Variants in EPHA3 observed in about 807,000 individuals in gnomAD.
EPHA3 encodes ephrin type-A receptor 3.
EPHA3 carries 42 observed loss-of-function variants against 107.1 expected under a neutral mutation model. That is an observed-to-expected ratio of 0.39 (90% CI 0.31 to 0.51). The LOEUF is 0.51. Ranked by LOEUF, EPHA3 falls within the 20% of genes least tolerant of loss-of-function variation. EPHA3 has a pLI of 0.78. For synonymous variants in EPHA3, 461 were observed against 424.8 expected, an observed-to-expected ratio of 1.09 and a Z score of -1.05; for missense variants, 1,183 against 1,211.2, an observed-to-expected ratio of 0.98 and a Z score of 0.35.
intron 5 of EPHA3, among the ~76,000 whole-genome samples, chr3:89,358,150 T>TA (rs1708007033): frequency 1.3e-5 from 2 of 151,130 alleles, no homozygotes; most frequent in South Asian, 2.1e-4. Context: ...GACTTTTTTT[T>TA]ACTAAAATAT....
intron 2 of EPHA3, among the ~76,000 whole-genome samples, chr3:89,141,026 GA>G (rs1704420884): frequency 6.6e-6 from 1 of 151,490 alleles, no homozygotes; most frequent in Non-Finnish European, 1.5e-5. Flanking sequence ...AAGGCCCAAA[GA>G]ATTTAAATAA....
chr3:89,384,146 T>C (rs1708567136), intron 5 of EPHA3, among the ~76,000 whole-genome samples: 1 of 152,160 alleles, frequency 6.6e-6, no homozygotes, highest in African/African-American at 2.4e-5. Flanking sequence ...AATTTTTTTC[T>C]AAGGTTTCAT....
At chr3:89,298,120 G>A (rs1559637469) in intron 3 of EPHA3, among the ~76,000 whole-genome samples, 2 of 152,130 alleles carry the variant, frequency 1.3e-5, no homozygotes, top group Admixed American at 1.3e-4. Flanking sequence ...GTGGGAACAA[G>A]CATTTTTCCA....
intron 16 of EPHA3, among the ~76,000 whole-genome samples, chr3:89,477,782 A>G (rs1710547239): frequency 6.6e-6 from 1 of 152,088 alleles, no homozygotes; most frequent in Admixed American, 6.6e-5. Flanking sequence ...TATTGAGCCC[A>G]CTAACTGGCA....
chr3:89,479,467 G>T lies in EPHA3; in HGVS notation c.2917G>T (p.Glu973Ter). The change falls in exon 17 of 17, where the codon GAA (glutamate) becomes TAA (stop). Residue 973 changes from glutamate to a stop codon, truncating the protein, a stop_gained. Transcript: ENST00000336596. LOFTEE classifies it high-confidence loss of function. Reference sequence around the variant, plus strand: ...GATCATCAGTAGCATTAAAGCTCTAGAAACGCAATCAAAGAATGGCCCAGT... The same window carrying T: ...GATCATCAGTAGCATTAAAGCTCTATAAACGCAATCAAAGAATGGCCCAGT... ...KKIISSIKAL[E>*]TQSKNGPVPV is the part of the protein sequence containing the mutation. The T allele has an allele frequency of 6.2e-7, 1 of 1,614,166 alleles. No homozygotes were observed. The highest frequency in any genetic ancestry group is 8.5e-7 in the Non-Finnish European group (1 of 1,180,014).
At chr3:89,440,381 A>G (rs1204798994) in intron 13 of EPHA3, among the ~76,000 whole-genome samples, 3 of 152,224 alleles carry the variant, frequency 2.0e-5, no homozygotes, top group Non-Finnish European at 4.4e-5. Flanking sequence ...AATGTGAATT[A>G]TAACCAGCAA....
intron 1 of EPHA3, among the ~76,000 whole-genome samples, chr3:89,112,471 C>T (rs900718102): frequency 6.6e-6 from 1 of 151,922 alleles, no homozygotes; most frequent in Non-Finnish European, 1.5e-5. Context: ...ATTTTTAATA[C>T]TTTTCCACAA....
chr3:89,260,626 C>A (rs986607247), intron 3 of EPHA3, among the ~76,000 whole-genome samples: 1 of 152,118 alleles, frequency 6.6e-6, no homozygotes, highest in Non-Finnish European at 1.5e-5. Context: ...AGTCTGCAGG[C>A]TGCCCTTTGT....
At chr3:89,308,903 A>T (rs1417411384) in intron 3 of EPHA3, among the ~76,000 whole-genome samples, 1 of 152,168 alleles carries the variant, frequency 6.6e-6, no homozygotes, top group Non-Finnish European at 1.5e-5. Flanking sequence ...GAAGATATTC[A>T]GTCTTTTCTT....
rs191542218 is a variant in EPHA3 at position 89,134,096 on chromosome 3, G to C, written c.153+6823G>C. On this transcript the variant is annotated intron_variant, in intron 2 of 16. Transcript: ENST00000336596. ...TCAAGTTTTTTCACCTTTCCAATTT[G>C]CTTCAAATGCCGAACAACCGCAGAA... Among the ~76,000 whole-genome samples the C allele has an allele frequency of 2.0e-5, 3 of 149,122 alleles. No homozygotes were observed. The East Asian group carries it at 6.0e-4, about 30-fold the overall frequency.
chr3:89,444,929 G>T (rs1709852567), intron 13 of EPHA3, among the ~76,000 whole-genome samples: 1 of 152,114 alleles, frequency 6.6e-6, no homozygotes, highest in Admixed American at 6.6e-5. Context: ...CTAATGAAAA[G>T]GCTAAATGTT....
chr3:89,306,367 A>T (rs1257282736), intron 3 of EPHA3, among the ~76,000 whole-genome samples: 1 of 152,158 alleles, frequency 6.6e-6, no homozygotes, highest in African/African-American at 2.4e-5. Flanking sequence ...TCAAGACAAG[A>T]TAATTAACTC....
At chr3:89,197,409 AT>A (rs1705861156) in intron 2 of EPHA3, among the ~76,000 whole-genome samples, 2 of 16,016 alleles carry the variant, frequency 1.2e-4, no homozygotes, top group Non-Finnish European at 2.6e-4. Context: ...AAATAAAAAC[AT>A]AAAAAAAAAC....
Position 89,399,470 on chromosome 3 carries a change from T to C in EPHA3, c.1584T>C (p.Thr528=), listed in dbSNP as rs757757955. 2.7e-5 allele frequency: 44 copies of C among 1,614,182 alleles called. No homozygotes were observed. Among genetic ancestry groups the C allele is most frequent in the Non-Finnish European group, 3.6e-5 (43 of 1,180,034 alleles). ...GTNSRKFEFE[T]SPDSFSISGE... ...ACAGCCGCAAGTTTGAGTTTGAAAC[T>C]AGTCCAGACTGTATGTATTATTTCA... Residue 528 remains threonine (T), a synonymous_variant, in exon 7 of 17, where the codon ACT becomes ACC. Transcript: ENST00000336596.
At chr3:89,288,427 T>C (rs2107324789) in intron 3 of EPHA3, among the ~76,000 whole-genome samples, 1 of 152,216 alleles carries the variant, frequency 6.6e-6, no homozygotes, top group Non-Finnish European at 1.5e-5. Context: ...CTCAAATCTT[T>C]GAGTGGATAC....
intron 15 of EPHA3, among the ~76,000 whole-genome samples, chr3:89,451,166 T>A (rs929628907): frequency 2.0e-5 from 3 of 152,182 alleles, no homozygotes; most frequent in African/African-American, 7.2e-5. Context: ...CAAATGTTAA[T>A]ACTCTGCAGC....
intron 3 of EPHA3, among the ~76,000 whole-genome samples, chr3:89,235,259 C>CTGAT (rs1378420960): frequency 6.6e-6 from 1 of 151,938 alleles, no homozygotes; most frequent in African/African-American, 2.4e-5. Flanking sequence ...CTGACACTCA[C>CTGAT]TGATAGATTT....
In EPHA3 at chr3:89,429,005, A is replaced by G. The variant is rs1709508681; in HGVS notation, c.2075-101A>G. On this transcript the variant is annotated intron_variant, in intron 11 of 16. Coordinates refer to ENST00000336596, the MANE Select transcript of EPHA3 (RefSeq NM_005233.6). ...AAATTAGAAGACAGGCAAAGTTCTT[A>G]CATCTCTATAATCCTCAGGTAAATC... 5.8e-6 allele frequency: 4 copies of G among 692,764 alleles called. No individual in the cohort carries two copies. In the East Asian group the frequency reaches 9.8e-5, roughly 17 times the overall value. 42.9% of individuals were successfully genotyped at this position (692,764 alleles called of 1,614,324 possible).
chr3:89,282,811 G>T (rs1181302321), intron 3 of EPHA3, among the ~76,000 whole-genome samples: 1 of 152,014 alleles, frequency 6.6e-6, no homozygotes, highest in Admixed American at 6.6e-5. Flanking sequence ...CACCAAAACT[G>T]AAATGTGTTA....
Sources: allele counts gnomAD v4.1 joint callset (sites outside exome capture counted in the v4.1 genomes callset), GRCh38; gene constraint gnomAD v4.1.1; transcripts MANE v1.5; gene names NCBI Gene and HGNC (gene_info 2026-07-23, HGNC 2026-07-21).